The following PLCE1 variants were observed in gnomAD, a reference collection of about 807,000 sequenced individuals.
The protein encoded by PLCE1 is 1-phosphatidylinositol 4,5-bisphosphate phosphodiesterase epsilon-1.
A neutral mutation model predicts 242.8 loss-of-function variants in PLCE1; 119 were observed. The ratio of observed to expected loss-of-function variants is 0.49; its 90% CI spans 0.42 to 0.57. The LOEUF (loss-of-function observed/expected upper bound fraction) is 0.57, where lower values mean the gene tolerates loss of function less well. PLCE1 is among the 20% of genes least tolerant of loss of function. The pLI, the probability that PLCE1 is intolerant of heterozygous loss-of-function variation, is 0.00. For missense variants in PLCE1, 2,441 were observed against 2,788.8 expected (o/e 0.88, Z 2.81); for synonymous variants, 945 against 1,017.4 (o/e 0.93, Z 1.35).
At chr10:94,125,643 T>C (rs2046416759) in intron 2 of PLCE1, among the ~76,000 whole-genome samples, 1 of 152,194 alleles carries the variant, frequency 6.6e-6, no homozygotes, top group South Asian at 2.1e-4. Flanking sequence ...TGGTTCATTT[T>C]AAGCATTCAA....
intron 3 of PLCE1, among the ~76,000 whole-genome samples, chr10:94,153,586 A>G (rs530881243): frequency 2.0e-5 from 3 of 152,190 alleles, no homozygotes; most frequent in Non-Finnish European, 2.9e-5. Flanking sequence ...AGATAGGAAA[A>G]GAAGAAGTAA....
At chr10:94,197,776 A>G (rs528733242) in intron 4 of PLCE1, among the ~76,000 whole-genome samples, 7 of 152,118 alleles carry the variant, frequency 4.6e-5, no homozygotes, top group Non-Finnish European at 8.8e-5. Flanking sequence ...TGAGGTCAGG[A>G]GTTCAAGACC....
intron 2 of PLCE1, among the ~76,000 whole-genome samples, chr10:94,084,802 C>A (rs774217590): frequency 1.4e-4 from 22 of 152,200 alleles, no homozygotes; most frequent in Non-Finnish European, 3.1e-4. Flanking sequence ...TGCCAAGAAT[C>A]TCAGAGCTAA....
In PLCE1 at chr10:94,187,146, ATGTGTGTGTGTGTG is replaced by A. The variant is rs372501153; in HGVS notation, c.1809+15673_1809+15686del. 6.9e-5 allele frequency among the ~76,000 whole-genome samples: 10 copies of A among 145,508 alleles called. No homozygotes were observed. The South Asian group carries it at 2.0e-3, about 29-fold the overall frequency. ...GTGGCTAAGCCAAGATGAAACATAT[ATGTGTGTGTGTGTG>A]TGTGTGTGTGTGTGTGTGTGTGCGT... On this transcript the variant is annotated intron_variant, in intron 4 of 32. Transcript: ENST00000371380.
At chr10:94,182,975 C>G (rs1280662242) in intron 4 of PLCE1, among the ~76,000 whole-genome samples, 2 of 152,148 alleles carry the variant, frequency 1.3e-5, no homozygotes, top group African/African-American at 4.8e-5. Context: ...AAATAATAAA[C>G]ATGACCCAGA....
intron 4 of PLCE1, among the ~76,000 whole-genome samples, chr10:94,199,895 C>G (rs945665186): frequency 6.6e-6 from 1 of 152,134 alleles, no homozygotes; most frequent in Non-Finnish European, 1.5e-5. Flanking sequence ...GCAAAGAGGG[C>G]TAATATGCTC....
intron 2 of PLCE1, among the ~76,000 whole-genome samples, chr10:94,051,015 C>A (rs2043749486): frequency 6.6e-6 from 1 of 151,996 alleles, no homozygotes; most frequent in African/African-American, 2.4e-5. Flanking sequence ...AGAGCTGAGG[C>A]AGAGTATTAA....
intron 3 of PLCE1, among the ~76,000 whole-genome samples, chr10:94,158,969 G>A (rs938161636): frequency 1.4e-5 from 2 of 144,696 alleles, no homozygotes; most frequent in Admixed American, 7.4e-5. Flanking sequence ...CGATTCTCCC[G>A]CCTCAGCCTC....
chr10:94,032,715 A>G (rs1221942831), intron 2 of PLCE1, among the ~76,000 whole-genome samples: 1 of 152,086 alleles, frequency 6.6e-6, no homozygotes, highest in African/African-American at 2.4e-5. Context: ...TGGCAAAGTG[A>G]TGAAACCTAT....
rs1284531207 is a variant in PLCE1, at chr10:94,255,914, A to ACACT, written c.3554+866_3554+867insACTC. Among the ~76,000 whole-genome samples, 264 of 67,334 alleles carry ACACT rather than the reference A, an allele frequency of 3.9e-3. 1 individual carries two copies. The highest frequency in any genetic ancestry group is 0.014 in the Middle Eastern group (1 of 74). The allele number at this position is 67,334 out of a possible 152,430, so 44.2% of individuals were successfully genotyped here. ...CACACACACACACACACACACACAC[A>ACACT]CTCTCTCTCTCTCTCTCTCTCTCTC... is the stretch of plus-strand genomic sequence containing the variant. On this transcript the variant is annotated intron_variant, in intron 11 of 32. Coordinates refer to ENST00000371380, the MANE Select transcript of PLCE1 (RefSeq NM_016341.4).
intron 5 of PLCE1, among the ~76,000 whole-genome samples, chr10:94,231,831 G>A (rs1589388540): frequency 6.6e-6 from 1 of 152,206 alleles, no homozygotes; most frequent in South Asian, 2.1e-4. Flanking sequence ...AGAATCTAAT[G>A]CCACTGCTGA....
chr10:94,132,717 A>G (rs763634701), intron 3 of PLCE1, among the ~76,000 whole-genome samples: 2 of 151,488 alleles, frequency 1.3e-5, no homozygotes, highest in South Asian at 2.1e-4. Flanking sequence ...TTGGGAGGCC[A>G]AGGCGGGCGG....
chr10:94,292,842 C>T (rs1397277669), intron 22 of PLCE1, among the ~76,000 whole-genome samples: 1 of 152,206 alleles, frequency 6.6e-6, no homozygotes, highest in East Asian at 1.9e-4. Flanking sequence ...TACATTGGAG[C>T]CAGGTCTATG....
intron 2 of PLCE1, among the ~76,000 whole-genome samples, chr10:94,110,190 C>G (rs4581379): frequency 0.89 from 134,018 of 150,804 alleles, 60,698 homozygotes; most frequent in Non-Finnish European, 0.97. Context: ...AGCCTCCCGA[C>G]TAGCTGGGAC....
chr10:94,309,083 C>A (rs192484008), intron 27 of PLCE1, among the ~76,000 whole-genome samples: 1 of 152,156 alleles, frequency 6.6e-6, no homozygotes, highest in African/African-American at 2.4e-5. Context: ...GCTTATTATG[C>A]GAAGCCTAGT....
rs533668319 is a variant in PLCE1, at chr10:94,122,824, G to A, written c.1207-9350G>A. Among the ~76,000 whole-genome samples, 4 of 152,306 alleles carry A rather than the reference G, an allele frequency of 2.6e-5. No individual in the cohort carries two copies. In the South Asian group the frequency reaches 6.2e-4, roughly 24 times the overall value. On this transcript the variant is annotated intron_variant, in intron 2 of 32. Transcript: ENST00000371380. ...GGCTTGCTAAAACACAGATTATTGGGTCCCAGCCCAGAGTTTTTGATTCAG... is the reference window on the plus strand; with the variant it reads ...GGCTTGCTAAAACACAGATTATTGGATCCCAGCCCAGAGTTTTTGATTCAG...
intron 4 of PLCE1, among the ~76,000 whole-genome samples, chr10:94,189,441 G>A (rs2048591645): frequency 6.6e-6 from 1 of 151,946 alleles, no homozygotes; most frequent in Non-Finnish European, 1.5e-5. Context: ...AGGACCCCAG[G>A]CAAGTGAGGG....
intron 1 of PLCE1, among the ~76,000 whole-genome samples, chr10:94,015,027 A>G (rs1168313459): frequency 1.3e-5 from 2 of 152,214 alleles, no homozygotes; most frequent in East Asian, 1.9e-4. Flanking sequence ...TTGAATCTTC[A>G]CTTCACCTGT....
rs191731938 is a variant in PLCE1 at position 94,246,118 on chromosome 10, G to T, written c.2593G>T (p.Ala865Ser). 1 of 1,614,104 alleles carries T rather than the reference G, an allele frequency of 6.2e-7. No homozygotes were observed. Among genetic ancestry groups the T allele is most frequent in the African/African-American group, 1.3e-5 (1 of 75,020 alleles). ...ADVHQFLLQGATVIHYDQDTH... is the reference protein window; with the variant it reads ...ADVHQFLLQGSTVIHYDQDTH... Reference sequence around the variant, plus strand: ...TGTGCACCAGTTCCTGCTGCAGGGGGCCACGGTCATCCACTACGACCAGGA... The same window carrying T: ...TGTGCACCAGTTCCTGCTGCAGGGGTCCACGGTCATCCACTACGACCAGGA... The change falls in exon 8 of 33, where the codon GCC (alanine) becomes TCC (serine). Residue 865 changes from alanine to serine, a missense_variant. By Grantham distance (99) the Ala-to-Ser change is moderately conservative (BLOSUM62 1). This residue lies in a region of PLCE1 where 733 missense variants were observed against 754.2 expected (regional missense o/e 0.97). Transcript: ENST00000371380.
Sources: allele counts gnomAD v4.1 joint callset (sites outside exome capture counted in the v4.1 genomes callset), GRCh38; gene constraint gnomAD v4.1.1; regional missense constraint gnomAD v4.1.1; transcripts MANE v1.5; gene names NCBI Gene and HGNC (gene_info 2026-07-23, HGNC 2026-07-21).